Variants in RPTOR observed in about 807,000 individuals in gnomAD.
RPTOR encodes regulatory associated protein of MTOR complex 1, also known as regulatory-associated protein of mTOR.
Under a neutral mutation model 169.9 loss-of-function variants are expected in RPTOR, and 21 were observed. The ratio of observed to expected loss-of-function variants is 0.12; its 90% CI spans 0.09 to 0.18. The LOEUF is 0.18. Among genes scored for constraint, RPTOR ranks in the 10% least tolerant of loss-of-function variants. The pLI is 1.00. For synonymous variants in RPTOR, 732 were observed against 753.2 expected (o/e 0.97, Z 0.46); for missense variants, 1,133 against 1,855.9 (o/e 0.61, Z 7.16).
rs181805212 is a variant in RPTOR at position 80,936,322 on chromosome 17, A to G, written c.2920-4174A>G. 8.5e-5 allele frequency among the ~76,000 whole-genome samples: 13 copies of G among 152,352 alleles called. No individual in the cohort carries two copies. In the East Asian group the frequency reaches 2.1e-3, roughly 25 times the overall value. The stretch of plus-strand genomic sequence containing the variant: ...TTCTTACAAAGTTAAACGTATGCCT[A>G]CCATGCAACCTAACCATTCTACTCC... On this transcript the variant is annotated intron_variant, in intron 24 of 33. Transcript: ENST00000306801. This position sits in a 1 kb window ranked among gnomAD's most constrained non-coding sequence, Gnocchi z 4.1.
chr17:80,603,198 G>A (rs1475969444), intron 1 of RPTOR, among the ~76,000 whole-genome samples: 1 of 152,174 alleles, frequency 6.6e-6, no homozygotes, highest in Middle Eastern at 3.2e-3. Flanking sequence ...AGACTTCGTT[G>A]AGTAAAATTG....
Position 80,823,026 on chromosome 17 carries a change from A to G in RPTOR, c.992-53A>G. ...AAGTGAATTTGTGTATTTGGCTTTA[A>G]ATGCTAGACACAAGTCACTGTAGAC... On this transcript the variant is annotated intron_variant, in intron 8 of 33. Transcript: ENST00000306801. This position sits in a 1 kb window ranked among gnomAD's most constrained non-coding sequence, Gnocchi z 4.5. 6.4e-7 allele frequency: 1 copy of G among 1,568,928 alleles called. No homozygotes were observed.
rs2069409443 is a variant in RPTOR, at chr17:80,965,104, G to A, written c.*774G>A. 1 of 233,324 alleles carries A rather than the reference G, an allele frequency of 4.3e-6. No homozygotes were observed. Among genetic ancestry groups the A allele is most frequent in the African/African-American group, 2.2e-5 (1 of 45,486 alleles). The allele number at this position is 233,324 out of a possible 1,614,324, so 14.5% of individuals were successfully genotyped here. A position where few individuals can be genotyped will look rare whatever the true frequency, so the allele number is the denominator to read the frequency against. ...ACAGGGGAGGCAGGTCCTTGGCGAG[G>A]TAGCCCCTGCCTTAATCCACGGGGC... On this transcript the variant is annotated 3_prime_UTR_variant, in exon 34 of 34. Coordinates refer to ENST00000306801, the MANE Select transcript of RPTOR (RefSeq NM_020761.3).
chr17:80,696,455 A>G (rs1456830109), intron 3 of RPTOR, among the ~76,000 whole-genome samples: 1 of 152,242 alleles, frequency 6.6e-6, no homozygotes, highest in African/African-American at 2.4e-5. Context: ...TCGTTAGTTC[A>G]AAGCGAGCAG....
At chr17:80,769,059 C>T (rs1241881858) in intron 6 of RPTOR, among the ~76,000 whole-genome samples, 1 of 152,146 alleles carries the variant, frequency 6.6e-6, no homozygotes, top group Non-Finnish European at 1.5e-5. Context: ...ATTGTTGGAA[C>T]GCCAGAACCG....
intron 7 of RPTOR, among the ~76,000 whole-genome samples, chr17:80,816,944 T>C (rs2067330266): frequency 6.6e-6 from 1 of 152,158 alleles, no homozygotes; most frequent in African/African-American, 2.4e-5. Flanking sequence ...GGGGTCTGGG[T>C]CTGGTTTCTG....
intron 1 of RPTOR, among the ~76,000 whole-genome samples, chr17:80,573,945 C>T (rs898861043): frequency 5.3e-5 from 8 of 152,210 alleles, no homozygotes; most frequent in Admixed American, 3.3e-4. Flanking sequence ...GTCAGCCCTA[C>T]AGCTGTCTGC....
At chr17:80,891,070 C>T (rs1279538070) in intron 17 of RPTOR, among the ~76,000 whole-genome samples, 2 of 152,184 alleles carry the variant, frequency 1.3e-5, no homozygotes, top group Admixed American at 6.5e-5. Flanking sequence ...TTCTGTTCCC[C>T]AGTGACTTCT....
chr17:80,668,519 G>A (rs555444040), intron 3 of RPTOR, among the ~76,000 whole-genome samples: 2 of 152,174 alleles, frequency 1.3e-5, no homozygotes, highest in South Asian at 4.1e-4. Context: ...CTGGAGAAAG[G>A]ACCTCCTCAC....
chr17:80,873,003 G>A (rs2589120), intron 13 of RPTOR, among the ~76,000 whole-genome samples: 6,836 of 152,316 alleles, frequency 0.045, 256 homozygotes, highest in African/African-American at 0.092. Flanking sequence ...AGGCCCCGGG[G>A]GGGACCCCCA....
chr17:80,843,269 T>C lies in RPTOR; in HGVS notation c.1213-3204T>C, dbSNP rs1345500344. Among the ~76,000 whole-genome samples the C allele has an allele frequency of 3.3e-5, 5 of 152,272 alleles. No homozygotes were observed. The East Asian group carries it at 9.6e-4, about 29-fold the overall frequency. ...TTGTTTAAAATTTCACTTTCTGATT[T>C]TTCTCTACTAACAGTGACATAGAAC... is the stretch of plus-strand genomic sequence containing the variant. On this transcript the variant is annotated intron_variant, in intron 10 of 33. Transcript: ENST00000306801.
chr17:80,649,549 A>G lies in RPTOR; in HGVS notation c.348+5739A>G, dbSNP rs2065623297. Among the ~76,000 whole-genome samples the G allele has an allele frequency of 3.3e-5, 5 of 152,198 alleles. No homozygotes were observed. The South Asian group carries it at 1.0e-3, about 32-fold the overall frequency. On this transcript the variant is annotated intron_variant, in intron 3 of 33. Transcript: ENST00000306801. ...TGGGCAAAGGCAGAACTGTGGGTGG[A>G]TGGCTCACAGCTTGCATAATTCAGT...
At chr17:80,790,894 A>G (rs896456686) in intron 6 of RPTOR, among the ~76,000 whole-genome samples, 1 of 151,796 alleles carries the variant, frequency 6.6e-6, no homozygotes, top group African/African-American at 2.4e-5. Context: ...ATGCTTTCCT[A>G]CCTCCTGTTG....
At chr17:80,738,134 C>T (rs1598268143) in intron 5 of RPTOR, among the ~76,000 whole-genome samples, 2 of 152,170 alleles carry the variant, frequency 1.3e-5, no homozygotes, top group South Asian at 2.1e-4. Flanking sequence ...ATGAGGTCCA[C>T]GCCTGCCAGT....
At chr17:80,683,027 C>T (rs1259995147) in intron 3 of RPTOR, among the ~76,000 whole-genome samples, 1 of 152,190 alleles carries the variant, frequency 6.6e-6, no homozygotes, top group Non-Finnish European at 1.5e-5. Context: ...TCTTGAGCTC[C>T]TGGGAACCAA....
intron 3 of RPTOR, among the ~76,000 whole-genome samples, chr17:80,685,288 G>A (rs1388484811): frequency 7.0e-6 from 1 of 143,162 alleles, no homozygotes; most frequent in Non-Finnish European, 1.5e-5. Flanking sequence ...TATTTTTATT[G>A]TAAGTGAGTT....
At chr17:80,907,221 C>A (rs545905201) in intron 20 of RPTOR, among the ~76,000 whole-genome samples, 5 of 152,360 alleles carry the variant, frequency 3.3e-5, no homozygotes, top group Admixed American at 6.5e-5. Flanking sequence ...CACTCGAAAC[C>A]CTTTGAATCT....
intron 24 of RPTOR, among the ~76,000 whole-genome samples, chr17:80,926,341 G>T (rs1371058498): frequency 1.3e-5 from 2 of 152,230 alleles, no homozygotes; most frequent in African/African-American, 4.8e-5. Flanking sequence ...TGCAAAGAGA[G>T]AGGAGTTCGC....
At chr17:80,885,237 C>G in intron 17 of RPTOR, 89 bp downstream of exon 17, 3 of 1,414,386 alleles carry the variant, frequency 2.1e-6, no homozygotes, top group South Asian at 1.4e-5. Context: ...CTGACCACAG[C>G]AGGGAGCACT....
Sources: gnomAD v4.1 joint callset for allele counts (sites outside exome capture counted in the v4.1 genomes callset) on GRCh38, gnomAD v4.1.1 for gene constraint, Gnocchi (gnomAD v3.1) non-coding constraint, MANE v1.5 for transcripts, NCBI Gene and HGNC (gene_info 2026-07-23, HGNC 2026-07-21) for gene names.